BTG4: variants seen among roughly 807,000 people sequenced by gnomAD.
The protein encoded by BTG4 is BTG anti-proliferation factor 4, also known as protein BTG4.
A neutral mutation model predicts 19.3 loss-of-function variants in BTG4; 10 were observed. The ratio of observed to expected loss-of-function variants is 0.52; its 90% CI spans 0.32 to 0.88. The LOEUF is 0.88. BTG4 is among the 40% of genes least tolerant of loss of function. BTG4 has a pLI of 0.04. For missense variants in BTG4, 238 were observed against 281.9 expected, an observed-to-expected ratio of 0.84 and a Z score of 1.11; for synonymous variants, 91 against 95.7, an observed-to-expected ratio of 0.95 and a Z score of 0.29.
chr11:111,399,963 A>T, the BTG4 span, among the ~76,000 whole-genome samples: 1 of 152,142 alleles, frequency 6.6e-6, no homozygotes, highest in Non-Finnish European at 1.5e-5. Flanking sequence ...TAGAGGCCTT[A>T]TTCCTGATCT....
At chr11:111,417,544 G>A in the BTG4 span, 2 of 152,160 alleles carry the variant, frequency 1.3e-5, no homozygotes, top group East Asian at 3.9e-4. Flanking sequence ...TGAGCTCTCG[G>A]AGCCCTTGGA....
intron 5 of BTG4, among the ~76,000 whole-genome samples, chr11:111,468,501 A>C (rs1242447746): frequency 6.6e-6 from 1 of 152,206 alleles, no homozygotes; most frequent in African/African-American, 2.4e-5. Context: ...TGACACCAAA[A>C]ACTCATAACC....
At chr11:111,395,374 T>TCCTGCTCCCATC in the BTG4 span, among the ~76,000 whole-genome samples, 4,220 of 152,240 alleles carry the variant, frequency 0.028, 235 homozygotes, top group African/African-American at 0.096. Context: ...GTTCACTGGC[T>TCCTGCTCCCATC]CCTGCTCCCA....
intron 5 of BTG4, among the ~76,000 whole-genome samples, chr11:111,477,198 C>G (rs1864444670): frequency 6.6e-6 from 1 of 152,104 alleles, no homozygotes; most frequent in Non-Finnish European, 1.5e-5. Flanking sequence ...TAAGCACATG[C>G]TTTTTAATGG....
At chr11:111,492,704 TA>T (rs1865491925), downstream of BTG4, among the ~76,000 whole-genome samples, 2 of 152,192 alleles carry the variant, frequency 1.3e-5, no homozygotes, top group Non-Finnish European at 2.9e-5. Flanking sequence ...AGTGCTCTTC[TA>T]GGGGCAGACA....
chr11:111,496,602 T>C (rs1009418954), intron 4 of BTG4: 2 of 152,200 alleles, frequency 1.3e-5, no homozygotes, highest in African/African-American at 4.8e-5. Flanking sequence ...GTTAACAAAT[T>C]CTCTCTAGAT....
the BTG4 span, chr11:111,455,067 C>A: frequency 2.2e-6 from 1 of 455,458 alleles, no homozygotes; most frequent in Non-Finnish European, 4.4e-6. Context: ...TTCTGAGGAG[C>A]GTGCAGAGGG....
chr11:111,460,118 G>A, the BTG4 span: 1 of 152,462 alleles, frequency 6.6e-6, no homozygotes, highest in Non-Finnish European at 1.5e-5. Flanking sequence ...AGGAGGTCAG[G>A]GGCTCTTCTG....
At chr11:111,425,508 G>A in the BTG4 span, among the ~76,000 whole-genome samples, 1 of 152,306 alleles carries the variant, frequency 6.6e-6, no homozygotes, top group African/African-American at 2.4e-5. Context: ...GCAAGGTTAT[G>A]ATCAGCGCCT....
the BTG4 span, chr11:111,454,484 T>C: frequency 2.8e-5 from 10 of 357,762 alleles, no homozygotes; most frequent in Non-Finnish European, 4.9e-5. Context: ...CATAGAGTCC[T>C]AAAGGAATCA....
chr11:111,439,089 A>G, the BTG4 span, among the ~76,000 whole-genome samples: 1 of 152,100 alleles, frequency 6.6e-6, no homozygotes, highest in Admixed American at 6.5e-5. Context: ...TGCGGTTGGG[A>G]CCCCAGGGAG....
chr11:111,446,673 A>G, the BTG4 span, among the ~76,000 whole-genome samples: 2 of 151,114 alleles, frequency 1.3e-5, no homozygotes, highest in East Asian at 1.9e-4. Context: ...CTGCAACAGC[A>G]TTTCCTCTTC....
the BTG4 span, among the ~76,000 whole-genome samples, chr11:111,409,934 T>C: frequency 6.6e-6 from 1 of 152,242 alleles, no homozygotes; most frequent in African/African-American, 2.4e-5. Flanking sequence ...TAGTGTCACA[T>C]ACTTGGGGAA....
chr11:111,433,831 A>C, the BTG4 span, among the ~76,000 whole-genome samples: 2 of 152,386 alleles, frequency 1.3e-5, no homozygotes, highest in Admixed American at 1.3e-4. Context: ...AGAGAAATGC[A>C]AATCAAAACC....
At chr11:111,459,539 G>A in the BTG4 span, 2 of 152,628 alleles carry the variant, frequency 1.3e-5, no homozygotes, top group Admixed American at 6.5e-5. Context: ...GGTCAGGGAC[G>A]TAGTACTTTG....
At chr11:111,387,122 A>G in the BTG4 span, among the ~76,000 whole-genome samples, 5 of 152,224 alleles carry the variant, frequency 3.3e-5, no homozygotes, top group African/African-American at 1.2e-4. Flanking sequence ...TACCATTCAG[A>G]TCAAGAGAAT....
chr11:111,434,350 A>G, the BTG4 span, among the ~76,000 whole-genome samples: 1 of 152,226 alleles, frequency 6.6e-6, no homozygotes, highest in Non-Finnish European at 1.5e-5. Flanking sequence ...GAGTTGAACA[A>G]TAAGAACACA....
the BTG4 span, among the ~76,000 whole-genome samples, chr11:111,441,291 G>C: frequency 6.6e-6 from 1 of 152,090 alleles, no homozygotes; most frequent in African/African-American, 2.4e-5. Flanking sequence ...GGGAGTAGGG[G>C]AGAGAACAGG....
At chr11:111,421,074 AAG>A in the BTG4 span, among the ~76,000 whole-genome samples, 1 of 152,222 alleles carries the variant, frequency 6.6e-6, no homozygotes, top group African/African-American at 2.4e-5. Context: ...CAAAGGCCTT[AAG>A]GCTGGAGAGA....
Sources: gnomAD v4.1 joint callset for allele counts (sites outside exome capture counted in the v4.1 genomes callset) on GRCh38, gnomAD v4.1.1 for gene constraint, MANE v1.5 for transcripts, NCBI Gene and HGNC (gene_info 2026-07-23, HGNC 2026-07-21) for gene names.